The following UGT1A10 variants were observed in gnomAD, a reference collection of about 807,000 sequenced individuals.
UGT1A10 encodes the protein UDP-glucuronosyltransferase 1A10.
In UGT1A10, 49 loss-of-function variants were observed where a neutral mutation model predicts 45.8. That is an observed-to-expected ratio of 1.07 (90% CI 0.85 to 1.36). The LOEUF (loss-of-function observed/expected upper bound fraction) is 1.36, where lower values mean the gene tolerates loss of function less well. UGT1A10 is among the 40% of genes most tolerant of loss of function. UGT1A10 has a pLI of 0.00. For synonymous variants in UGT1A10, 284 were observed against 249.7 expected, an observed-to-expected ratio of 1.14 and a Z score of -1.29; for missense variants, 745 against 668.6, an observed-to-expected ratio of 1.11 and a Z score of -1.26.
chr2:233,738,357 G>C (rs1375014777), intron 1 of UGT1A10, among the ~76,000 whole-genome samples: 1 of 152,206 alleles, frequency 6.6e-6, no homozygotes, highest in Non-Finnish European at 1.5e-5. Flanking sequence ...GGAGAGTGGG[G>C]TACTGCTATA....
chr2:233,657,759 T>A (rs1425346662), intron 1 of UGT1A10, among the ~76,000 whole-genome samples: 3 of 152,212 alleles, frequency 2.0e-5, no homozygotes, highest in Non-Finnish European at 2.9e-5. Flanking sequence ...AAATATGATG[T>A]TGAGCATCTT....
intron 1 of UGT1A10, chr2:233,721,895 C>A: frequency 2.1e-6 from 1 of 474,970 alleles, no homozygotes; most frequent in Non-Finnish European, 4.2e-6. Context: ...ATTGCAATAT[C>A]GAAATGGTGC....
At chr2:233,666,584 TA>T (rs1238372509) in intron 1 of UGT1A10, among the ~76,000 whole-genome samples, 1 of 152,200 alleles carries the variant, frequency 6.6e-6, no homozygotes, top group Admixed American at 6.5e-5. Flanking sequence ...ATTTATCCTT[TA>T]CCAGTCTGTA....
At position 233,681,794 on chromosome 2, in the gene UGT1A10, A is replaced by T. The variant is rs1316396995; in HGVS notation, c.855+44417A>T. On this transcript the variant is annotated intron_variant, in intron 1 of 4. Coordinates refer to ENST00000344644, the MANE Select transcript of UGT1A10 (RefSeq NM_019075.4). ...ACTCATGTATTATTATGAGTAAATCATTGGCAGTGAATGTGAATTTTTTTT... is the reference window on the plus strand; with the variant it reads ...ACTCATGTATTATTATGAGTAAATCTTTGGCAGTGAATGTGAATTTTTTTT... 3.4e-6 allele frequency: 5 copies of T among 1,470,914 alleles called. No individual in the cohort carries two copies. In the South Asian group the frequency reaches 4.4e-5, roughly 13 times the overall value. The allele number at this position is 1,470,914 out of a possible 1,614,324, so 91.1% of individuals were successfully genotyped here. A position where few individuals can be genotyped will look rare whatever the true frequency, so the allele number is the denominator to read the frequency against.
chr2:233,720,045 G>A (rs577020263), intron 1 of UGT1A10, among the ~76,000 whole-genome samples: 1 of 152,284 alleles, frequency 6.6e-6, no homozygotes, highest in Admixed American at 6.5e-5. Context: ...ATTTTCAGCT[G>A]AACGGTGATG....
chr2:233,670,382 G>C (rs1212423630), intron 1 of UGT1A10, among the ~76,000 whole-genome samples: 1 of 152,102 alleles, frequency 6.6e-6, no homozygotes, highest in Non-Finnish European at 1.5e-5. Context: ...TGACTTTTTT[G>C]CCTTTGCAAT....
chr2:233,747,974 G>T lies in UGT1A10; in HGVS notation c.856-19060G>T, dbSNP rs1693825544. On this transcript the variant is annotated intron_variant, in intron 1 of 4. Coordinates refer to ENST00000344644, the MANE Select transcript of UGT1A10 (RefSeq NM_019075.4). ...TGGATCTTCTCAGCCATGCATCTGT[G>T]TGGCTGTTCCGAGGGGACTTTGTGA... 4 of 1,613,452 alleles carry T rather than the reference G, an allele frequency of 2.5e-6. No homozygotes were observed. The South Asian group carries it at 4.4e-5, about 18-fold the overall frequency.
intron 1 of UGT1A10, chr2:233,760,277 G>T: frequency 6.2e-7 from 1 of 1,612,686 alleles, no homozygotes. Context: ...TCTGGCAGGA[G>T]CAAAGGCGCC....
At position 233,768,335 on chromosome 2, in the gene UGT1A10, T is replaced by C. The variant is rs754652167; in HGVS notation, c.1191T>C (p.Asn397=). 1.9e-6 allele frequency: 3 copies of C among 1,614,076 alleles called. No homozygotes were observed. The highest frequency in any genetic ancestry group is 2.5e-6 in the Non-Finnish European group (3 of 1,180,042). Residue 397 remains asparagine, a synonymous_variant, in exon 4 of 5, where the codon AAT becomes AAC. Transcript: ENST00000344644. ...CCTTGTTTGGTGATCAGATGGACAA[T>C]GCAAAGCGCATGGAGACTAAGGGAG... ...MMPLFGDQMD[N]AKRMETKGAG...
intron 1 of UGT1A10, among the ~76,000 whole-genome samples, chr2:233,673,495 T>C (rs1246141982): frequency 6.6e-6 from 1 of 152,174 alleles, no homozygotes; most frequent in East Asian, 1.9e-4. Context: ...TTTATCTTAG[T>C]TGACTAGAGC....
intron 1 of UGT1A10, chr2:233,755,353 G>T: frequency 2.6e-6 from 1 of 385,860 alleles, no homozygotes; most frequent in Non-Finnish European, 4.8e-6. Context: ...GAGGCTTGGC[G>T]ACCTGGGCCG....
At chr2:233,651,154 C>G (rs2073729784) in intron 1 of UGT1A10, among the ~76,000 whole-genome samples, 1 of 152,154 alleles carries the variant, frequency 6.6e-6, no homozygotes, top group South Asian at 2.1e-4. Flanking sequence ...CTAGACTTTT[C>G]AAAGTGCTTC....
intron 1 of UGT1A10, chr2:233,729,914 T>G (rs774517230): frequency 6.2e-7 from 1 of 1,614,026 alleles, no homozygotes. Context: ...GACTTTGTGA[T>G]GGACTACCCC....
At chr2:233,659,685 A>G (rs1278289851) in intron 1 of UGT1A10, among the ~76,000 whole-genome samples, 2 of 152,186 alleles carry the variant, frequency 1.3e-5, no homozygotes, top group African/African-American at 4.8e-5. Context: ...GAAATACATC[A>G]TAATTACTGT....
intron 1 of UGT1A10, chr2:233,747,139 T>C: frequency 6.4e-7 from 1 of 1,552,428 alleles, no homozygotes; most frequent in East Asian, 2.3e-5. Flanking sequence ...AGTGACAAGG[T>C]AATTAAGATG....
At chr2:233,661,813 A>G (rs1230141658) in intron 1 of UGT1A10, among the ~76,000 whole-genome samples, 1 of 151,054 alleles carries the variant, frequency 6.6e-6, no homozygotes, top group African/African-American at 2.4e-5. Context: ...TCTCTGCTTC[A>G]TGGGAGCACT....
Position 233,693,203 on chromosome 2 carries a change from T to G in UGT1A10, c.855+55826T>G. 6.2e-7 allele frequency: 1 copy of G among 1,614,132 alleles called. No individual in the cohort carries two copies. Among genetic ancestry groups the G allele is most frequent in the African/African-American group, 1.3e-5 (1 of 75,042 alleles). ...GGTGGTGCCTGAAGTTAATTTGCTT[T>G]TGAAAGAATCCAAATACTACACAAG... On this transcript the variant is annotated intron_variant, in intron 1 of 4. Transcript: ENST00000344644.
chr2:233,721,416 C>T, intron 1 of UGT1A10: 1 of 156,014 alleles, frequency 6.4e-6, no homozygotes, highest in Non-Finnish European at 1.4e-5. Flanking sequence ...GGACAGGTAC[C>T]CTAAGCATTG....
intron 1 of UGT1A10, chr2:233,648,447 T>TTAC (rs986529808): frequency 1.1e-4 from 17 of 157,868 alleles, no homozygotes; most frequent in Non-Finnish European, 1.8e-4. Flanking sequence ...CTTTTTATTA[T>TTAC]TATTATTATT....
Sources: gnomAD v4.1 joint callset for allele counts (sites outside exome capture counted in the v4.1 genomes callset) on GRCh38, gnomAD v4.1.1 for gene constraint, MANE v1.5 for transcripts, NCBI Gene and HGNC (gene_info 2026-07-23, HGNC 2026-07-21) for gene names.